LCORL: variants seen among roughly 807,000 people sequenced by gnomAD.
LCORL encodes the protein ligand dependent nuclear receptor corepressor like.
A neutral mutation model predicts 141.8 loss-of-function variants in LCORL; 41 were observed. That is an observed-to-expected ratio of 0.29 (90% CI 0.23 to 0.38). LCORL has a LOEUF of 0.38. Ranked by LOEUF, LCORL falls within the 10% of genes least tolerant of loss-of-function variation. The pLI is 1.00. For synonymous variants in LCORL, 618 were observed against 694.1 expected, an observed-to-expected ratio of 0.89 and a Z score of 1.72; for missense variants, 1,759 against 2,035.0, an observed-to-expected ratio of 0.86 and a Z score of 2.61.
chr4:17,936,973 T>C lies in LCORL; in HGVS notation c.430+24930A>G, dbSNP rs115842389. 5.9e-3 allele frequency among the ~76,000 whole-genome samples: 895 copies of C among 152,310 alleles called. 9 individuals are homozygous for C. The highest frequency in any genetic ancestry group is 0.021 in the African/African-American group (861 of 41,562). ...TCAATAGTCATGGGTCATTTTTTAT[T>C]ATCCTGCAATAGTTTCATAATGCAT... On this transcript the variant is annotated intron_variant, in intron 4 of 7. Transcript: ENST00000635767.
intron 4 of LCORL, among the ~76,000 whole-genome samples, chr4:17,947,418 G>A (rs1238773289): frequency 6.6e-6 from 1 of 151,822 alleles, no homozygotes; most frequent in Non-Finnish European, 1.5e-5. Flanking sequence ...GGGAAATGGG[G>A]AAACAGAGTC....
rs748139795 is a variant in LCORL, at chr4:17,909,372, A to AT, written c.431-28dup. On this transcript the variant is annotated intron_variant, in intron 4 of 7. Coordinates refer to ENST00000635767, the Ensembl canonical transcript of LCORL. ...TAGGGAAGAAATAAATATAATAATC[A>AT]TTTTAAAAAGAGAAAGGCAAATCAC... 6 of 1,497,530 alleles carry AT rather than the reference A, an allele frequency of 4.0e-6. No homozygotes were observed. The African/African-American group carries it at 8.5e-5, about 21-fold the overall frequency. 92.8% of individuals were successfully genotyped at this position (1,497,530 alleles called of 1,614,324 possible).
intron 1 of LCORL, among the ~76,000 whole-genome samples, chr4:18,009,775 C>T (rs2109864896): frequency 6.6e-6 from 1 of 151,994 alleles, no homozygotes; most frequent in East Asian, 2.0e-4. Flanking sequence ...CCTGCTTGGG[C>T]TCCAATACCC....
intron 4 of LCORL, chr4:17,913,096 G>T (rs1732839084): frequency 5.0e-6 from 1 of 201,378 alleles, no homozygotes; most frequent in Non-Finnish European, 1.0e-5. Flanking sequence ...AGCCTGCAGT[G>T]ACGGAACATC....
At chr4:17,928,915 A>C (rs967829951) in intron 4 of LCORL, among the ~76,000 whole-genome samples, 1 of 151,824 alleles carries the variant, frequency 6.6e-6, no homozygotes, top group Admixed American at 6.5e-5. Context: ...ATCTGTATAC[A>C]AACAAACATT....
At chr4:17,863,111 T>A (rs1015829153) in intron 7 of LCORL, among the ~76,000 whole-genome samples, 4 of 151,852 alleles carry the variant, frequency 2.6e-5, no homozygotes, top group Non-Finnish European at 5.9e-5. Context: ...AGGTCAGGAG[T>A]TCGAGACCAG....
At chr4:17,961,096 G>A (rs1713692255) in intron 4 of LCORL, among the ~76,000 whole-genome samples, 1 of 151,758 alleles carries the variant, frequency 6.6e-6, no homozygotes. Flanking sequence ...AGTAAAATAG[G>A]GTCAACAAGT....
At chr4:17,994,041 T>C (rs1720496233) in intron 1 of LCORL, among the ~76,000 whole-genome samples, 1 of 152,180 alleles carries the variant, frequency 6.6e-6, no homozygotes, top group Non-Finnish European at 1.5e-5. Context: ...TTGTTTCAAA[T>C]GAAGTTCATT....
exon 7 of LCORL, chr4:17,877,014 T>G (rs1461985192): frequency 1.6e-6 from 2 of 1,230,664 alleles, no homozygotes; most frequent in African/African-American, 3.1e-5. Flanking sequence ...TGAAGATATC[T>G]CATTGTTTTG....
chr4:17,880,485 A>C (rs558396120), intron 6 of LCORL: 1 of 940,302 alleles, frequency 1.1e-6, no homozygotes, highest in Non-Finnish European at 1.3e-6. Flanking sequence ...GTATGTTACT[A>C]TCCATTTTGC....
intron 7 of LCORL, among the ~76,000 whole-genome samples, chr4:17,863,669 A>T (rs897296665): frequency 2.0e-5 from 3 of 152,226 alleles, no homozygotes; most frequent in Non-Finnish European, 4.4e-5. Flanking sequence ...AATATAAATG[A>T]TTCTACCAGA....
chr4:17,913,782 A>T (rs1732946966), intron 4 of LCORL, among the ~76,000 whole-genome samples: 1 of 152,230 alleles, frequency 6.6e-6, no homozygotes, highest in South Asian at 2.1e-4. Context: ...AATCTTAAAA[A>T]AACTTTAAAG....
intron 7 of LCORL, among the ~76,000 whole-genome samples, chr4:17,862,306 T>C (rs745690924): frequency 6.6e-6 from 1 of 152,178 alleles, no homozygotes; most frequent in Non-Finnish European, 1.5e-5. Context: ...GAAGAGAGCT[T>C]GTGCAGGAAA....
intron 7 of LCORL, among the ~76,000 whole-genome samples, chr4:17,860,071 G>T (rs1251888094): frequency 3.3e-5 from 5 of 152,144 alleles, no homozygotes; most frequent in Admixed American, 6.5e-5. Flanking sequence ...ATTGCCAAAA[G>T]AATTTTAGAG....
At chr4:17,911,094 T>C (rs987556005) in intron 4 of LCORL, among the ~76,000 whole-genome samples, 1 of 152,134 alleles carries the variant, frequency 6.6e-6, no homozygotes, top group African/African-American at 2.4e-5. Flanking sequence ...GAAATAATAA[T>C]AGAACCTGGG....
intron 6 of LCORL, chr4:17,882,484 GAGTCTAGTAAA>G (rs1727705722): frequency 1.0e-6 from 1 of 984,330 alleles, no homozygotes; most frequent in African/African-American, 1.8e-5. Flanking sequence ...TCTCTCTTAT[GAGTCTAGTAAA>G]AGTTAAAATG....
At chr4:17,895,537 A>T (rs953641953) in intron 5 of LCORL, among the ~76,000 whole-genome samples, 3 of 152,190 alleles carry the variant, frequency 2.0e-5, no homozygotes, top group African/African-American at 7.2e-5. Flanking sequence ...TATATACCAC[A>T]CTAAAAAAAA....
chr4:17,956,887 C>T (rs1366377531), intron 4 of LCORL, among the ~76,000 whole-genome samples: 1 of 151,884 alleles, frequency 6.6e-6, no homozygotes, highest in African/African-American at 2.4e-5. Context: ...CAAAATATCA[C>T]ATGTATCCTG....
At chr4:17,914,959 G>A (rs908702625) in intron 4 of LCORL, among the ~76,000 whole-genome samples, 2 of 152,092 alleles carry the variant, frequency 1.3e-5, no homozygotes, top group South Asian at 2.1e-4. Flanking sequence ...AACCAATAGC[G>A]TACTGCCCAA....
Sources: gnomAD v4.1 joint callset for allele counts (sites outside exome capture counted in the v4.1 genomes callset) on GRCh38, gnomAD v4.1.1 for gene constraint, MANE v1.5 for transcripts, NCBI Gene and HGNC (gene_info 2026-07-23, HGNC 2026-07-21) for gene names.